Variants in CHKA observed in about 807,000 individuals in gnomAD.
The protein encoded by CHKA is CHETK-alpha.
CHKA carries 34 observed loss-of-function variants against 60.1 expected under a neutral mutation model. The observed-to-expected ratio is 0.57, with a 90% CI of 0.43 to 0.75. The LOEUF (loss-of-function observed/expected upper bound fraction) is 0.75. CHKA is among the 30% of genes least tolerant of loss of function. The pLI is 0.00. For missense variants in CHKA, 563 were observed against 561.3 expected, an observed-to-expected ratio of 1.00 and a Z score of -0.03; for synonymous variants, 217 against 223.1, an observed-to-expected ratio of 0.97 and a Z score of 0.24.
At chr11:68,084,425 CACATATATAT>C in intron 2 of CHKA, among the ~76,000 whole-genome samples, 1 of 65,010 alleles carries the variant, frequency 1.5e-5, no homozygotes, top group East Asian at 5.0e-4. Flanking sequence ...TATATATATA[CACATATATAT>C]ACGTATATAT....
At chr11:68,104,431 TA>T (rs200266631) in intron 1 of CHKA, among the ~76,000 whole-genome samples, 6 of 152,164 alleles carry the variant, frequency 3.9e-5, no homozygotes, top group African/African-American at 1.4e-4. Context: ...TTATTATTAT[TA>T]TTTTTTGAGA....
chr11:68,100,861 G>A (rs1373482316), intron 1 of CHKA, among the ~76,000 whole-genome samples: 1 of 149,868 alleles, frequency 6.7e-6, no homozygotes, highest in Admixed American at 6.6e-5. Flanking sequence ...ACCCAGTGGT[G>A]CACGCATCAC....
At chr11:68,113,007 G>A (rs865948847) in intron 1 of CHKA, among the ~76,000 whole-genome samples, 28 of 141,440 alleles carry the variant, frequency 2.0e-4, no homozygotes, top group Non-Finnish European at 3.7e-4. Context: ...GCGTGAAACC[G>A]GGAGACGGAG....
chr11:68,096,184 T>C (rs1479610662), intron 2 of CHKA, among the ~76,000 whole-genome samples: 1 of 151,582 alleles, frequency 6.6e-6, no homozygotes, highest in East Asian at 2.0e-4. Flanking sequence ...ACCAACATGG[T>C]GAAACCCCGT....
chr11:68,106,833 G>C (rs1857932017), intron 1 of CHKA, among the ~76,000 whole-genome samples: 1 of 152,222 alleles, frequency 6.6e-6, no homozygotes, highest in Non-Finnish European at 1.5e-5. Context: ...TTGACGCTTT[G>C]TATCTGGGGC....
chr11:68,121,130 G>T lies in CHKA; in HGVS notation c.48C>A (p.Leu16=). The change falls in exon 1 of 12, where the codon CTC becomes CTA. Residue 16 remains leucine (L), a synonymous_variant. Transcript: ENST00000265689. Reference sequence around the variant, plus strand: ...CGCTACCGCAGCTCAGCAGCAGCCCGAGCGGCGAGGGCTCCGCCTCGCCCC... The same window carrying T: ...CGCTACCGCAGCTCAGCAGCAGCCCTAGCGGCGAGGGCTCCGCCTCGCCCC... ...CTGGEAEPSP[L]GLLLSCGSGS... is the part of the protein sequence containing the mutation. 1 of 1,208,276 alleles carries T rather than the reference G, an allele frequency of 8.3e-7. No individual in the cohort carries two copies. The highest frequency in any genetic ancestry group is 1.0e-6 in the Non-Finnish European group (1 of 966,086). 74.8% of individuals were successfully genotyped at this position (1,208,276 alleles called of 1,614,324 possible).
chr11:68,106,240 G>A (rs922959373), intron 1 of CHKA, among the ~76,000 whole-genome samples: 4 of 152,144 alleles, frequency 2.6e-5, no homozygotes, highest in African/African-American at 7.2e-5. Flanking sequence ...GAAAAGCCAG[G>A]AGGTACCATT....
At chr11:68,094,409 C>T (rs1479412399) in intron 2 of CHKA, among the ~76,000 whole-genome samples, 1 of 152,102 alleles carries the variant, frequency 6.6e-6, no homozygotes, top group Non-Finnish European at 1.5e-5. Flanking sequence ...GGCGTGGTGG[C>T]TCACTCCTGT....
intron 1 of CHKA, among the ~76,000 whole-genome samples, chr11:68,105,558 A>C (rs1482523369): frequency 1.3e-5 from 2 of 151,492 alleles, no homozygotes; most frequent in African/African-American, 2.4e-5. Context: ...AAAAGAAAGA[A>C]ATATGCCATC....
intron 11 of CHKA, among the ~76,000 whole-genome samples, chr11:68,055,374 C>T (rs150655493): frequency 6.6e-6 from 1 of 152,182 alleles, no homozygotes; most frequent in Non-Finnish European, 1.5e-5. Context: ...GCCTGGGCAA[C>T]AGAGTGAGAC....
rs1590825053 is a variant in CHKA, at chr11:68,054,682, A to C, written c.1315-635T>G. Among the ~76,000 whole-genome samples, 7 of 152,306 alleles carry C rather than the reference A, an allele frequency of 4.6e-5. No individual in the cohort carries two copies. The East Asian group carries it at 1.2e-3, about 25-fold the overall frequency. On this transcript the variant is annotated intron_variant, in intron 11 of 11. Coordinates refer to ENST00000265689, the MANE Select transcript of CHKA (RefSeq NM_001277.3). Reference sequence around the variant, plus strand: ...TACAATTAACTTTTTTGAAAAATTAACTGAGCTGTAATTTCTACTCTACAA... The same window carrying C: ...TACAATTAACTTTTTTGAAAAATTACCTGAGCTGTAATTTCTACTCTACAA...
rs571056190 is a variant in CHKA, at chr11:68,073,958, T to C, written c.630+759A>G. On this transcript the variant is annotated intron_variant, in intron 4 of 11. Coordinates refer to ENST00000265689, the MANE Select transcript of CHKA (RefSeq NM_001277.3). ...GAGTGCAGGCTGACAAAGACGAGCA[T>C]TGCCAATCAAAGAAGTATTGCCAGG... Among the ~76,000 whole-genome samples, 57 of 152,272 alleles carry C rather than the reference T, an allele frequency of 3.7e-4. 1 individual carries two copies. The South Asian group carries it at 7.9e-3, about 21-fold the overall frequency.
At position 68,119,992 on chromosome 11, in the gene CHKA, G is replaced by T. The variant is rs184807035; in HGVS notation, c.350+836C>A. ...GCCTGTAATCCCAACATTTTGGGAG[G>T]TCGAAGCGGGTGGATCACCTGAGGT... On this transcript the variant is annotated intron_variant, in intron 1 of 11. Transcript: ENST00000265689. Among the ~76,000 whole-genome samples, 801 of 152,276 alleles carry T rather than the reference G, an allele frequency of 5.3e-3. 5 individuals are homozygous for T. Among genetic ancestry groups the T allele is most frequent in the Non-Finnish European group, 8.6e-3 (586 of 68,024 alleles).
intron 1 of CHKA, among the ~76,000 whole-genome samples, chr11:68,118,374 G>A (rs879399577): frequency 6.6e-6 from 1 of 152,106 alleles, no homozygotes; most frequent in Non-Finnish European, 1.5e-5. Context: ...CTGGGAAGTC[G>A]AGGCTACAGT....
intron 1 of CHKA, among the ~76,000 whole-genome samples, chr11:68,097,631 G>C (rs1436923797): frequency 1.3e-5 from 1 of 75,990 alleles, no homozygotes; most frequent in Non-Finnish European, 2.4e-5. Flanking sequence ...GCAAGACTCC[G>C]TCTCAAAAAA....
intron 1 of CHKA, among the ~76,000 whole-genome samples, chr11:68,114,993 A>G (rs114190416): frequency 0.015 from 2,314 of 152,284 alleles, 56 homozygotes; most frequent in African/African-American, 0.049. Flanking sequence ...TGATTTTTCG[A>G]CTATACAATG....
At chr11:68,111,534 A>G (rs1224157176) in intron 1 of CHKA, among the ~76,000 whole-genome samples, 1 of 152,028 alleles carries the variant, frequency 6.6e-6, no homozygotes, top group East Asian at 1.9e-4. Context: ...AGCCAAGATC[A>G]TGCCATTGTA....
chr11:68,067,593 A>T (rs2134526245), intron 7 of CHKA, among the ~76,000 whole-genome samples: 1 of 152,262 alleles, frequency 6.6e-6, no homozygotes, highest in Non-Finnish European at 1.5e-5. Flanking sequence ...ACAGTCTCAA[A>T]AAAAAGGCAA....
Position 68,074,758 on chromosome 11 carries a change from A to G in CHKA, c.589T>C (p.Tyr197His). The part of the protein sequence containing the change: ...LAERSLGPKL[Y>H]GIFPQGRLEQ... ...AGTCGGCCTTGGGGAAAGATGCCAT[A>G]GAGTTTTGGCCCAAGTGACCTCTCT... The change falls in exon 4 of 12, where the codon TAT becomes CAT. Residue 197 changes from tyrosine to histidine, a missense_variant. Transcript: ENST00000265689. 6.2e-7 allele frequency: 1 copy of G among 1,613,828 alleles called. No individual in the cohort carries two copies. Among genetic ancestry groups the G allele is most frequent in the African/African-American group, 1.3e-5 (1 of 75,056 alleles).
Sources: gnomAD v4.1 joint callset for allele counts (sites outside exome capture counted in the v4.1 genomes callset) on GRCh38, gnomAD v4.1.1 for gene constraint, MANE v1.5 for transcripts, NCBI Gene and HGNC (gene_info 2026-07-23, HGNC 2026-07-21) for gene names.